CSF1R: variants seen among roughly 807,000 people sequenced by gnomAD.
CSF1R encodes macrophage colony-stimulating factor 1 receptor.
Under a neutral mutation model 110.0 loss-of-function variants are expected in CSF1R, and 40 were observed. The ratio of observed to expected loss-of-function variants is 0.36; its 90% CI spans 0.28 to 0.47. The LOEUF (loss-of-function observed/expected upper bound fraction) is 0.47. Among genes scored for constraint, CSF1R ranks in the 20% least tolerant of loss-of-function variants. The pLI is 0.99. For missense variants in CSF1R, 1,052 were observed against 1,253.0 expected, an observed-to-expected ratio of 0.84 and a Z score of 2.42; for synonymous variants, 523 against 503.4, an observed-to-expected ratio of 1.04 and a Z score of -0.52.
intron 18 of CSF1R, 33 bp from the exon 19 acceptor site, chr5:150,055,369 C>T: frequency 3.2e-6 from 5 of 1,574,222 alleles, no homozygotes; most frequent in Non-Finnish European, 4.4e-6. Flanking sequence ...AGAGGCCATG[C>T]CCATTGTCTT....
chr5:150,108,317 T>G (rs1040905948), intron 1 of CSF1R, among the ~76,000 whole-genome samples: 1 of 152,056 alleles, frequency 6.6e-6, no homozygotes, highest in African/African-American at 2.4e-5. Flanking sequence ...CCTTCAGCTA[T>G]AAAAGACTGG....
intron 5 of CSF1R, among the ~76,000 whole-genome samples, chr5:150,075,220 T>C (rs1017646861): frequency 2.0e-5 from 3 of 152,130 alleles, no homozygotes; most frequent in African/African-American, 7.2e-5. Context: ...CAACAATCCA[T>C]CTATCTATTA....
chr5:150,070,203 T>C lies in CSF1R; in HGVS notation c.1298A>G (p.Gln433Arg). ...TTACCTATCAGTGTGGCCACTGCACTGCAGCCATGTCACGTTGGGCTGGGG... is the reference window on the plus strand; with the variant it reads ...TTACCTATCAGTGTGGCCACTGCACCGCAGCCATGTCACGTTGGGCTGGGG... ...GYPQPNVTWL[Q>R]CSGHTDRCDE... Residue 433 changes from glutamine (Q) to arginine (R), a missense_variant, in exon 8 of 21, where the codon CAG becomes CGG. By Grantham distance (43) the Gln-to-Arg change is conservative. Around this residue, in one of 5 missense-constraint regions of CSF1R, gnomAD observed 693 missense variants for 735.4 expected, o/e 0.94. Coordinates refer to ENST00000675795, the MANE Select transcript of CSF1R (RefSeq NM_001288705.3). 1 of 1,614,052 alleles carries C rather than the reference T, an allele frequency of 6.2e-7. No individual in the cohort carries two copies. Among genetic ancestry groups the C allele is most frequent in the Non-Finnish European group, 8.5e-7 (1 of 1,179,966 alleles).
chr5:150,070,429 CA>C, intron 7 of CSF1R, 26 bp downstream of exon 7: 1 of 1,554,800 alleles, frequency 6.4e-7, no homozygotes. Context: ...GCCTCCGCCC[CA>C]GGTGGCGCTC....
At position 150,054,955 on chromosome 5, in the gene CSF1R, C is replaced by A. The variant is rs562573735; in HGVS notation, c.2654+282G>T. 4.8e-3 allele frequency: 1,863 copies of A among 386,976 alleles called. 11 individuals are homozygous for A. Among genetic ancestry groups the A allele is most frequent in the Non-Finnish European group, 6.6e-3 (1,384 of 211,128 alleles). 24.0% of individuals were successfully genotyped at this position (386,976 alleles called of 1,614,324 possible). A position where few individuals can be genotyped will look rare whatever the true frequency, so the allele number is the denominator to read the frequency against. On this transcript the variant is annotated intron_variant, in intron 19 of 20. Coordinates refer to ENST00000675795, the MANE Select transcript of CSF1R (RefSeq NM_001288705.3). ...CAGTGAGCTATGATTGCACACATCACTGCGCTCCAGCCCGGGCTACAGAGC... is the reference window on the plus strand; with the variant it reads ...CAGTGAGCTATGATTGCACACATCAATGCGCTCCAGCCCGGGCTACAGAGC...
At position 150,086,469 on chromosome 5, in the gene CSF1R, G is replaced by T. The variant is rs767300847; in HGVS notation, c.-42C>A. On this transcript the variant is annotated 5_prime_UTR_variant, in exon 1 of 21. Transcript: ENST00000675795. ...TGGCAGGCAGGTGCAGGGCTGCAAG[G>T]TGCCCAGGGCACAGAGCTCTCAGCT... The T allele has an allele frequency of 6.3e-7, 1 of 1,588,778 alleles. No homozygotes were observed. Among genetic ancestry groups the T allele is most frequent in the Non-Finnish European group, 8.6e-7 (1 of 1,165,882 alleles).
At position 150,078,214 on chromosome 5, in the gene CSF1R, A is replaced by G. The variant is rs559579919; in HGVS notation, c.627T>C (p.Pro209=). 2.0e-5 allele frequency: 33 copies of G among 1,614,074 alleles called. 1 individual carries two copies. The African/African-American group carries it at 3.9e-4, about 19-fold the overall frequency. The change falls in exon 4 of 21, where the codon CCT becomes CCC. Residue 209 remains proline, a synonymous_variant. Transcript: ENST00000675795. The part of the protein sequence containing the change: ...IPGPPALTLV[P]AELVRIRGEA... ...CCCCTCGAATCCGCACCAGCTCTGC[A>G]GGCACCAGTGTCAAGGCTGGGGGCC...
intron 1 of CSF1R, among the ~76,000 whole-genome samples, chr5:150,084,470 G>T (rs1758740236): frequency 7.7e-6 from 1 of 129,142 alleles, no homozygotes; most frequent in Non-Finnish European, 1.7e-5. Context: ...AAGAAAGGAA[G>T]GAGATGGAGT....
intron 5 of CSF1R, among the ~76,000 whole-genome samples, chr5:150,074,699 A>G (rs1032839810): frequency 6.6e-6 from 1 of 152,146 alleles, no homozygotes; most frequent in African/African-American, 2.4e-5. Flanking sequence ...TAAAAATCTG[A>G]AATTCACCCT....
Position 150,077,260 on chromosome 5 carries a change from C to T in CSF1R, c.889+16G>A, listed in dbSNP as rs769847054. The T allele has an allele frequency of 6.2e-7, 1 of 1,614,196 alleles. No homozygotes were observed. Among genetic ancestry groups the T allele is most frequent in the South Asian group, 1.1e-5 (1 of 91,086 alleles). Reference sequence around the variant, plus strand: ...CAGGATCCCTACCGACTGTCCACCACCACCCTGATGCTTACCTACCACCCG... The same window carrying T: ...CAGGATCCCTACCGACTGTCCACCATCACCCTGATGCTTACCTACCACCCG... On this transcript the variant is annotated intron_variant, in intron 5 of 20. Transcript: ENST00000675795.
intron 1 of CSF1R, 90 bp downstream of exon 1, chr5:150,086,289 C>T (rs1241245297): frequency 3.8e-6 from 5 of 1,314,654 alleles, no homozygotes; most frequent in Middle Eastern, 1.8e-4. Context: ...AGCCTGAGGA[C>T]ACCCAGTGAG....
intron 1 of CSF1R, among the ~76,000 whole-genome samples, chr5:150,082,359 G>A (rs1271787464): frequency 6.6e-6 from 1 of 152,216 alleles, no homozygotes; most frequent in Admixed American, 6.5e-5. Context: ...CCTCTCTCAA[G>A]TCCTTTCAGG....
At chr5:150,092,119 T>C (rs1759062998) in intron 1 of CSF1R, among the ~76,000 whole-genome samples, 1 of 152,252 alleles carries the variant, frequency 6.6e-6, no homozygotes, top group East Asian at 1.9e-4. Flanking sequence ...AACTGCTTAA[T>C]TCTGCCATTG....
rs1352617253 is a variant in CSF1R at position 150,069,891 on chromosome 5, A to G, written c.1492T>C (p.Phe498Leu). 6.2e-6 allele frequency: 10 copies of G among 1,612,314 alleles called. No homozygotes were observed. Among genetic ancestry groups the G allele is most frequent in the Non-Finnish European group, 7.6e-6 (9 of 1,179,124 alleles). ...HNSVGSGSWA[F>L]IPISAGAHTH... Reference sequence around the variant, plus strand: ...CTCTCACCTGCAGAGATGGGTATGAAGGCCCAGGAGCCACTCCCCACGCTG... The same window carrying G: ...CTCTCACCTGCAGAGATGGGTATGAGGGCCCAGGAGCCACTCCCCACGCTG... Residue 498 changes from phenylalanine (F) to leucine (L), a missense_variant, in exon 9 of 21, where the codon TTC (phenylalanine) becomes CTC (leucine). Phe to Leu is a conservative substitution (Grantham distance 22). Coordinates refer to ENST00000675795, the MANE Select transcript of CSF1R (RefSeq NM_001288705.3).
intron 1 of CSF1R, among the ~76,000 whole-genome samples, chr5:150,107,290 C>A (rs763519910): frequency 6.6e-6 from 1 of 152,234 alleles, no homozygotes; most frequent in Non-Finnish European, 1.5e-5. Context: ...TTATACAGTG[C>A]AGCTGATAAT....
At chr5:150,070,615 A>G (rs1269747579) in intron 6 of CSF1R, 44 bp from the exon 7 acceptor site, 20 of 1,357,058 alleles carry the variant, frequency 1.5e-5, no homozygotes, top group Non-Finnish European at 2.0e-5. Context: ...CCAGCCTAGT[A>G]TGGCCCCTGC....
chr5:150,093,998 G>A (rs1358028253), intron 1 of CSF1R, among the ~76,000 whole-genome samples: 1 of 151,706 alleles, frequency 6.6e-6, no homozygotes, highest in Non-Finnish European at 1.5e-5. Flanking sequence ...GGGAGGCAGA[G>A]GTTGCAGTGA....
In CSF1R at chr5:150,070,165, G is replaced by A; in HGVS notation, c.1319+17C>T. ...GCCCCTGAGCCCAGGTGAGGGAGGTGAGTGGAGCCCACTTACCTATCAGTG... is the reference window on the plus strand; with the variant it reads ...GCCCCTGAGCCCAGGTGAGGGAGGTAAGTGGAGCCCACTTACCTATCAGTG... On this transcript the variant is annotated intron_variant, in intron 8 of 20. Transcript: ENST00000675795. 1 of 1,612,756 alleles carries A rather than the reference G, an allele frequency of 6.2e-7. No homozygotes were observed. Among genetic ancestry groups the A allele is most frequent in the Non-Finnish European group, 8.5e-7 (1 of 1,179,182 alleles).
At chr5:150,055,838 C>T (rs1432045849) in intron 18 of CSF1R, among the ~76,000 whole-genome samples, 188 bp downstream of exon 18, 1 of 152,236 alleles carries the variant, frequency 6.6e-6, no homozygotes, top group Admixed American at 6.5e-5. Flanking sequence ...CAGAAAGGAG[C>T]GCCTGTCAGG....
Sources: gnomAD v4.1 joint callset for allele counts (sites outside exome capture counted in the v4.1 genomes callset) on GRCh38, gnomAD v4.1.1 for gene constraint, gnomAD v4.1.1 regional missense constraint, MANE v1.5 for transcripts, NCBI Gene and HGNC (gene_info 2026-07-23, HGNC 2026-07-21) for gene names.